Variants in XRRA1 observed in about 807,000 individuals in gnomAD.
XRRA1 encodes X-ray radiation resistance-associated protein 1.
In XRRA1, 69 loss-of-function variants were observed where a neutral mutation model predicts 80.2. That is an observed-to-expected ratio of 0.86 (90% CI 0.71 to 1.05). The LOEUF (loss-of-function observed/expected upper bound fraction) is 1.05, where lower values mean the gene tolerates loss of function less well. Ranked by LOEUF, XRRA1 falls within the 50% of genes least tolerant of loss-of-function variation. XRRA1 has a pLI of 0.00. For synonymous variants in XRRA1, 348 were observed against 389.9 expected (o/e 0.89, Z 1.27); for missense variants, 967 against 976.4 (o/e 0.99, Z 0.13).
At position 74,930,390 on chromosome 11, in the gene XRRA1, AG is replaced by A. The variant is rs2139390690; in HGVS notation, c.352-19del. ...TCCTTGGCCTGTAGGAAAGCATTTC[AG>A]AAAAAAAAAAAAATCCACAAGATTA... is the stretch of plus-strand genomic sequence containing the variant. On this transcript the variant is annotated intron_variant, in intron 5 of 18. Coordinates refer to ENST00000684022, the MANE Select transcript of XRRA1 (RefSeq NM_001378157.1). 1.3e-6 allele frequency: 2 copies of A among 1,525,200 alleles called. No homozygotes were observed. The allele number at this position is 1,525,200 out of a possible 1,614,324, so 94.5% of individuals were successfully genotyped here.
chr11:74,883,332 C>T (rs552018078), intron 10 of XRRA1, among the ~76,000 whole-genome samples: 66 of 152,306 alleles, frequency 4.3e-4, no homozygotes, highest in African/African-American at 1.4e-3. Flanking sequence ...TGACCCCTTG[C>T]GCTTCCCAAG....
intron 2 of XRRA1, among the ~76,000 whole-genome samples, chr11:74,943,524 G>GGTGTGTGTGT (rs67590742): frequency 0.032 from 4,421 of 137,688 alleles, 134 homozygotes; most frequent in African/African-American, 0.053. Context: ...AGAGTAGGAG[G>GGTGTGTGTGT]GTGTGTGTGT....
intron 10 of XRRA1, among the ~76,000 whole-genome samples, chr11:74,889,208 G>C (rs2049961519): frequency 6.6e-6 from 1 of 152,114 alleles, no homozygotes; most frequent in African/African-American, 2.4e-5. Context: ...CTGATCTCTT[G>C]ACAGAAACTC....
chr11:74,928,183 G>A (rs561288478), intron 6 of XRRA1, among the ~76,000 whole-genome samples: 2 of 152,316 alleles, frequency 1.3e-5, no homozygotes, highest in Admixed American at 1.3e-4. Context: ...CTTTGAATGA[G>A]AACTGAACTT....
chr11:74,916,793 T>A (rs1938855084), intron 8 of XRRA1, among the ~76,000 whole-genome samples: 1 of 152,194 alleles, frequency 6.6e-6, no homozygotes, highest in Admixed American at 6.5e-5. Context: ...TTCTTCCCTT[T>A]ACCAGGGTTT....
At chr11:74,869,532 C>A (rs906634495) in intron 10 of XRRA1, among the ~76,000 whole-genome samples, 14 of 152,186 alleles carry the variant, frequency 9.2e-5, no homozygotes, top group African/African-American at 3.4e-4. Flanking sequence ...GGGAGCCAGG[C>A]ATGTCCAACA....
chr11:74,858,453 G>A (rs17133516), intron 12 of XRRA1, among the ~76,000 whole-genome samples: 1,767 of 152,292 alleles, frequency 0.012, 48 homozygotes, highest in African/African-American at 0.04. Flanking sequence ...GAAAACACTT[G>A]GGGAGTTTAG....
intron 7 of XRRA1, among the ~76,000 whole-genome samples, chr11:74,922,393 C>T (rs577446912): frequency 6.6e-6 from 1 of 152,170 alleles, no homozygotes; most frequent in South Asian, 2.1e-4. Flanking sequence ...GGTCAAGGGG[C>T]CAAGGGGTCA....
chr11:74,846,941 A>C (rs1404011833), intron 15 of XRRA1, among the ~76,000 whole-genome samples: 1 of 151,734 alleles, frequency 6.6e-6, no homozygotes, highest in African/African-American at 2.4e-5. Flanking sequence ...TTTTCTGAAA[A>C]CATGGTGACT....
chr11:74,882,925 A>G (rs1327786340), intron 10 of XRRA1, among the ~76,000 whole-genome samples: 1 of 152,224 alleles, frequency 6.6e-6, no homozygotes, highest in Non-Finnish European at 1.5e-5. Context: ...GCTGTCAGAC[A>G]GGGACATTTA....
At chr11:74,879,093 T>C (rs2046820134) in intron 10 of XRRA1, among the ~76,000 whole-genome samples, 1 of 148,320 alleles carries the variant, frequency 6.7e-6, no homozygotes, top group South Asian at 2.2e-4. Context: ...TTCCTACCCA[T>C]GAGCATGGAA....
At position 74,934,932 on chromosome 11, in the gene XRRA1, T is replaced by C. The variant is rs187129699; in HGVS notation, c.280-1060A>G. Among the ~76,000 whole-genome samples, 5 of 152,296 alleles carry C rather than the reference T, an allele frequency of 3.3e-5. No individual in the cohort carries two copies. The East Asian group carries it at 9.6e-4, about 29-fold the overall frequency. On this transcript the variant is annotated intron_variant, in intron 4 of 18. Transcript: ENST00000684022. ...GGGAAAGACGAATGTACCAGATTGG[T>C]TAATTACTTTCCTAATAACCACTAC...
intron 10 of XRRA1, among the ~76,000 whole-genome samples, chr11:74,880,754 C>G (rs2047338649): frequency 6.6e-6 from 1 of 151,214 alleles, no homozygotes; most frequent in Admixed American, 6.6e-5. Context: ...TGTTCAGTTT[C>G]CATGTAGTTG....
At chr11:74,932,060 T>A (rs1367338096) in intron 5 of XRRA1, among the ~76,000 whole-genome samples, 2 of 152,240 alleles carry the variant, frequency 1.3e-5, no homozygotes, top group Non-Finnish European at 2.9e-5. Flanking sequence ...ATCTGTTGTC[T>A]ATTTTTCTAC....
intron 10 of XRRA1, among the ~76,000 whole-genome samples, chr11:74,870,743 C>T (rs2136228416): frequency 6.6e-6 from 1 of 152,268 alleles, no homozygotes; most frequent in South Asian, 2.1e-4. Context: ...TCTAGTTTTC[C>T]AATTCTCCTC....
chr11:74,859,273 A>G lies in XRRA1; in HGVS notation c.1055T>C (p.Ile352Thr). The G allele has an allele frequency of 6.2e-7, 1 of 1,605,828 alleles. No individual in the cohort carries two copies. The highest frequency in any genetic ancestry group is 1.3e-5 in the African/African-American group (1 of 74,626). The part of the protein sequence containing the change: ...PGFSTSETTK[I>T]CSLPPIFEIL... ...CTCGAATATGGGAGGAAGTGAACAT[A>G]TCTTGGTTGTCTTAGAAAGAAGGAA... The change falls in exon 12 of 19, where the codon ATA becomes ACA. Residue 352 changes from isoleucine (I) to threonine (T), a missense_variant. Transcript: ENST00000684022.
At chr11:74,943,668 A>C (rs189919742) in intron 2 of XRRA1, among the ~76,000 whole-genome samples, 51 of 151,926 alleles carry the variant, frequency 3.4e-4, no homozygotes, top group African/African-American at 1.2e-3. Context: ...CTGTTGCCAG[A>C]GCTTCACTTT....
At chr11:74,894,380 T>C (rs907084804) in intron 10 of XRRA1, among the ~76,000 whole-genome samples, 1 of 152,182 alleles carries the variant, frequency 6.6e-6, no homozygotes, top group Non-Finnish European at 1.5e-5. Context: ...TTTACCTATA[T>C]AATGAACTTG....
intron 4 of XRRA1, among the ~76,000 whole-genome samples, chr11:74,935,302 T>C (rs888767175): frequency 3.3e-5 from 5 of 152,154 alleles, no homozygotes; most frequent in Admixed American, 3.3e-4. Flanking sequence ...GAGGACAAGA[T>C]AACATGTAAA....
Sources: gnomAD v4.1 joint callset for allele counts (sites outside exome capture counted in the v4.1 genomes callset) on GRCh38, gnomAD v4.1.1 for gene constraint, MANE v1.5 for transcripts, NCBI Gene and HGNC (gene_info 2026-07-23, HGNC 2026-07-21) for gene names.